The following LRFN2 variants were observed in gnomAD, a reference collection of about 807,000 sequenced individuals.
The protein encoded by LRFN2 is leucine rich repeat and fibronectin type III domain containing 2.
In LRFN2, 18 loss-of-function variants were observed where a neutral mutation model predicts 37.3. The observed-to-expected ratio is 0.48, with a 90% CI of 0.33 to 0.72. LRFN2 has a LOEUF of 0.72. Among genes scored for constraint, LRFN2 ranks in the 30% least tolerant of loss-of-function variants. The pLI is 0.02. For synonymous variants in LRFN2, 556 were observed against 466.6 expected (o/e 1.19, Z -2.47); for missense variants, 1,006 against 1,060.7 (o/e 0.95, Z 0.72).
At chr6:40,540,576 C>A (rs1440022147) in intron 1 of LRFN2, among the ~76,000 whole-genome samples, 3 of 152,180 alleles carry the variant, frequency 2.0e-5, no homozygotes, top group Non-Finnish European at 4.4e-5. Context: ...CTGTGACTGG[C>A]AGCATGGGGA....
At chr6:40,451,663 T>C (rs543710884) in intron 1 of LRFN2, among the ~76,000 whole-genome samples, 3 of 152,264 alleles carry the variant, frequency 2.0e-5, no homozygotes, top group African/African-American at 4.8e-5. Flanking sequence ...CCTGGTCTCC[T>C]GACAATTACG....
At chr6:40,556,043 G>GA (rs1766869810) in intron 1 of LRFN2, among the ~76,000 whole-genome samples, 1 of 152,148 alleles carries the variant, frequency 6.6e-6, no homozygotes, top group Non-Finnish European at 1.5e-5. Flanking sequence ...GGCACACGCC[G>GA]ACCGTCACTG....
intron 1 of LRFN2, among the ~76,000 whole-genome samples, chr6:40,488,878 A>G (rs1456031743): frequency 6.6e-6 from 1 of 152,144 alleles, no homozygotes; most frequent in Non-Finnish European, 1.5e-5. Flanking sequence ...GGAACATTCT[A>G]GGAAGTGTAA....
chr6:40,530,065 G>A (rs1766318752), intron 1 of LRFN2, among the ~76,000 whole-genome samples: 1 of 152,206 alleles, frequency 6.6e-6, no homozygotes, highest in South Asian at 2.1e-4. Context: ...TAAGCAAGGG[G>A]AAATGCAGGC....
At chr6:40,576,043 G>A (rs1166848643) in intron 1 of LRFN2, among the ~76,000 whole-genome samples, 3 of 152,156 alleles carry the variant, frequency 2.0e-5, no homozygotes, top group Non-Finnish European at 4.4e-5. Context: ...TATAATGCAA[G>A]CATGACCTGG....
At chr6:40,495,924 C>CA in intron 1 of LRFN2, among the ~76,000 whole-genome samples, 1 of 152,290 alleles carries the variant, frequency 6.6e-6, no homozygotes, top group South Asian at 2.1e-4. Context: ...ATCCCACTGC[C>CA]AACCTGCCAC....
At chr6:40,470,025 T>C (rs1003110869) in intron 1 of LRFN2, among the ~76,000 whole-genome samples, 1 of 152,210 alleles carries the variant, frequency 6.6e-6, no homozygotes, top group African/African-American at 2.4e-5. Context: ...TCCTTTTGAA[T>C]TCCCACTGGT....
At chr6:40,426,667 T>C (rs945521122) in intron 2 of LRFN2, among the ~76,000 whole-genome samples, 1 of 152,178 alleles carries the variant, frequency 6.6e-6, no homozygotes, top group Non-Finnish European at 1.5e-5. Context: ...GTGTATGTCT[T>C]TTCCTCTTTT....
intron 1 of LRFN2, among the ~76,000 whole-genome samples, chr6:40,586,497 A>C (rs1581808205): frequency 2.0e-5 from 3 of 149,624 alleles, no homozygotes; most frequent in East Asian, 2.0e-4. Flanking sequence ...ACCCCACCCC[A>C]CCCAGTCCAC....
intron 1 of LRFN2, among the ~76,000 whole-genome samples, chr6:40,476,896 T>A (rs1204624206): frequency 4.6e-5 from 7 of 152,206 alleles, no homozygotes; most frequent in Non-Finnish European, 7.3e-5. Context: ...AGTGGCATCC[T>A]ATTTCCAGCC....
intron 1 of LRFN2, among the ~76,000 whole-genome samples, chr6:40,497,857 G>A (rs1765272039): frequency 6.6e-6 from 1 of 152,188 alleles, no homozygotes; most frequent in South Asian, 2.1e-4. Flanking sequence ...TCAACAGCTG[G>A]CACACAGGGG....
At chr6:40,558,829 A>C (rs1338030417) in intron 1 of LRFN2, among the ~76,000 whole-genome samples, 2 of 152,236 alleles carry the variant, frequency 1.3e-5, no homozygotes, top group African/African-American at 4.8e-5. Flanking sequence ...CTGAGGCACA[A>C]AGAGGTTATG....
intron 1 of LRFN2, among the ~76,000 whole-genome samples, chr6:40,570,686 G>A (rs1767172173): frequency 6.6e-6 from 1 of 152,152 alleles, no homozygotes; most frequent in African/African-American, 2.4e-5. Flanking sequence ...GAGTGGGAGT[G>A]GTCAGGCCAT....
At chr6:40,449,569 T>A (rs1764054618) in intron 1 of LRFN2, among the ~76,000 whole-genome samples, 1 of 152,248 alleles carries the variant, frequency 6.6e-6, no homozygotes, top group South Asian at 2.1e-4. Flanking sequence ...GCAGTCATCT[T>A]GGACCATAAG....
At chr6:40,441,000 G>T (rs924752383) in intron 1 of LRFN2, among the ~76,000 whole-genome samples, 42 of 152,150 alleles carry the variant, frequency 2.8e-4, no homozygotes, top group African/African-American at 1.0e-3. Context: ...AACTAACTGA[G>T]ACTGGGCCGC....
intron 1 of LRFN2, among the ~76,000 whole-genome samples, chr6:40,478,845 C>G (rs1199400563): frequency 6.6e-6 from 1 of 152,206 alleles, no homozygotes; most frequent in African/African-American, 2.4e-5. Context: ...TAATTTGGAA[C>G]CAGCTAGTGG....
rs1479941486 is a variant in LRFN2 at position 40,459,288 on chromosome 6, A to G, written c.-18-26157T>C. 2.0e-5 allele frequency among the ~76,000 whole-genome samples: 3 copies of G among 152,284 alleles called. No individual in the cohort carries two copies. In the East Asian group the frequency reaches 5.8e-4, roughly 29 times the overall value. On this transcript the variant is annotated intron_variant, in intron 1 of 2. Coordinates refer to ENST00000338305, the MANE Select transcript of LRFN2 (RefSeq NM_020737.3). ...CCACCACATTTTCAACAAAGTGAACAAAGTCTATGATGGAGAAGTCATAAG... is the reference window on the plus strand; with the variant it reads ...CCACCACATTTTCAACAAAGTGAACGAAGTCTATGATGGAGAAGTCATAAG...
At chr6:40,579,613 AACAC>A (rs34819147) in intron 1 of LRFN2, among the ~76,000 whole-genome samples, 19 of 145,042 alleles carry the variant, frequency 1.3e-4, no homozygotes, top group East Asian at 4.0e-4. Flanking sequence ...AACACACACA[AACAC>A]ACACACACAC....
chr6:40,413,723 T>A (rs1233103782), intron 2 of LRFN2, among the ~76,000 whole-genome samples: 1 of 152,196 alleles, frequency 6.6e-6, no homozygotes, highest in Non-Finnish European at 1.5e-5. Context: ...CCCCTCTGCC[T>A]TCAAAGCAGC....
Sources: gnomAD v4.1 joint callset for allele counts (sites outside exome capture counted in the v4.1 genomes callset) on GRCh38, gnomAD v4.1.1 for gene constraint, MANE v1.5 for transcripts, NCBI Gene and HGNC (gene_info 2026-07-23, HGNC 2026-07-21) for gene names.